Variants in PTPRJ observed in about 807,000 individuals in gnomAD.
PTPRJ encodes the protein protein tyrosine phosphatase receptor type J, also known as receptor-type tyrosine-protein phosphatase eta.
PTPRJ carries 129 observed loss-of-function variants against 141.3 expected under a neutral mutation model. The observed-to-expected ratio is 0.91, with a 90% CI of 0.79 to 1.06. PTPRJ has a LOEUF of 1.06. Ranked by LOEUF, PTPRJ falls within the 50% of genes least tolerant of loss-of-function variation. PTPRJ has a pLI of 0.00. For missense variants in PTPRJ, 1,601 were observed against 1,679.7 expected (o/e 0.95, Z 0.82); for synonymous variants, 610 against 640.5 (o/e 0.95, Z 0.72).
At chr11:48,049,276 C>T (rs770147935) in intron 1 of PTPRJ, among the ~76,000 whole-genome samples, 1 of 152,204 alleles carries the variant, frequency 6.6e-6, no homozygotes, top group African/African-American at 2.4e-5. Flanking sequence ...TGCCAGATGT[C>T]CCCTGGGGGA....
chr11:48,111,853 A>G (rs933633888), intron 2 of PTPRJ, among the ~76,000 whole-genome samples: 6 of 152,100 alleles, frequency 3.9e-5, no homozygotes, highest in Non-Finnish European at 8.8e-5. Context: ...GCGGAGCACA[A>G]GTCAGCTCAT....
intron 4 of PTPRJ, among the ~76,000 whole-genome samples, chr11:48,122,758 C>A (rs1340063822): frequency 6.6e-6 from 1 of 152,218 alleles, no homozygotes; most frequent in Non-Finnish European, 1.5e-5. Flanking sequence ...GAGACATGTG[C>A]TGTGAAGAAT....
chr11:48,153,444 G>C (rs1052310282), intron 18 of PTPRJ, among the ~76,000 whole-genome samples: 1 of 130,010 alleles, frequency 7.7e-6, no homozygotes, highest in Non-Finnish European at 1.5e-5. Flanking sequence ...TGAGGCAGGA[G>C]ACCGCGCCAC....
chr11:48,100,985 C>G (rs1021839728), intron 1 of PTPRJ, among the ~76,000 whole-genome samples: 1 of 152,144 alleles, frequency 6.6e-6, no homozygotes, highest in South Asian at 2.1e-4. Context: ...CAGCTCCCTC[C>G]TGTCATTGCT....
At chr11:47,997,031 G>C (rs755736724) in intron 1 of PTPRJ, among the ~76,000 whole-genome samples, 1 of 152,236 alleles carries the variant, frequency 6.6e-6, no homozygotes, top group Admixed American at 6.5e-5. Flanking sequence ...TGTGGTTGGG[G>C]TGAGTGAGGA....
chr11:48,107,253 G>GA (rs1005676924), intron 1 of PTPRJ, among the ~76,000 whole-genome samples: 168 of 142,998 alleles, frequency 1.2e-3, no homozygotes, highest in African/African-American at 3.5e-3. Context: ...TGCTGGCAAG[G>GA]AAAAAAAAAA....
chr11:48,005,167 A>G (rs1470010362), intron 1 of PTPRJ, among the ~76,000 whole-genome samples: 1 of 152,046 alleles, frequency 6.6e-6, no homozygotes, highest in African/African-American at 2.4e-5. Context: ...GGTTGCAGTG[A>G]GCAGAGATCA....
At position 48,130,444 on chromosome 11, in the gene PTPRJ, A is replaced by G; in HGVS notation, c.1358-15A>G. On this transcript the variant is annotated splice_polypyrimidine_tract_variant and intron_variant, in intron 7 of 24. Coordinates refer to ENST00000418331, the MANE Select transcript of PTPRJ (RefSeq NM_002843.4). ...AAGTATATTTTTAATCTAGTTGTTT[A>G]CTTTCTTTGCATAGCCCCTGTTCCA... 6.3e-7 allele frequency: 1 copy of G among 1,596,928 alleles called. No homozygotes were observed. Among genetic ancestry groups the G allele is most frequent in the Non-Finnish European group, 8.6e-7 (1 of 1,169,578 alleles).
chr11:48,032,960 G>A (rs1854022121), intron 1 of PTPRJ, among the ~76,000 whole-genome samples: 1 of 151,608 alleles, frequency 6.6e-6, no homozygotes, highest in Non-Finnish European at 1.5e-5. Flanking sequence ...GCTCACGCCT[G>A]TAATCTTAGC....
chr11:48,105,029 C>A (rs1368482405), intron 1 of PTPRJ, among the ~76,000 whole-genome samples: 1 of 152,130 alleles, frequency 6.6e-6, no homozygotes, highest in Non-Finnish European at 1.5e-5. Flanking sequence ...ATGATAAATA[C>A]AACATCTGAC....
chr11:48,129,612 G>A lies in PTPRJ; in HGVS notation c.1358-847G>A, dbSNP rs183400076. 3.1e-3 allele frequency among the ~76,000 whole-genome samples: 472 copies of A among 152,184 alleles called. 1 individual carries two copies. The highest frequency in any genetic ancestry group is 7.7e-3 in the African/African-American group (320 of 41,518). On this transcript the variant is annotated intron_variant, in intron 7 of 24. Coordinates refer to ENST00000418331, the MANE Select transcript of PTPRJ (RefSeq NM_002843.4). ...AGTTGAGGAGCAGGCTTTAGGCCTCGCCCCAAGAAATGACTCCTGGACTAA... is the reference window on the plus strand; with the variant it reads ...AGTTGAGGAGCAGGCTTTAGGCCTCACCCCAAGAAATGACTCCTGGACTAA...
At chr11:48,040,413 A>G (rs527727493) in intron 1 of PTPRJ, among the ~76,000 whole-genome samples, 1 of 152,120 alleles carries the variant, frequency 6.6e-6, no homozygotes, top group Non-Finnish European at 1.5e-5. Context: ...TGTTTTGCTC[A>G]TCTTTGCTTT....
chr11:48,119,662 C>A (rs1856657144), intron 3 of PTPRJ, among the ~76,000 whole-genome samples: 1 of 152,196 alleles, frequency 6.6e-6, no homozygotes, highest in Non-Finnish European at 1.5e-5. Flanking sequence ...CCTCAGCCTC[C>A]CAAAGTGCTG....
intron 1 of PTPRJ, among the ~76,000 whole-genome samples, chr11:47,981,648 C>A (rs1021921338): frequency 6.6e-6 from 1 of 152,212 alleles, no homozygotes; most frequent in Non-Finnish European, 1.5e-5. Context: ...TTAATTCGTG[C>A]TTTGTGGGCG....
chr11:48,061,765 C>A (rs2134260941), intron 1 of PTPRJ, among the ~76,000 whole-genome samples: 1 of 151,968 alleles, frequency 6.6e-6, no homozygotes, highest in South Asian at 2.1e-4. Flanking sequence ...GGGAAAAATA[C>A]CCCCCCTACT....
intron 3 of PTPRJ, among the ~76,000 whole-genome samples, chr11:48,120,335 A>T (rs77115081): frequency 0.021 from 3,146 of 152,206 alleles, 110 homozygotes; most frequent in African/African-American, 0.071. Flanking sequence ...TTCCTTCTAG[A>T]TGTCAGGGTT....
chr11:48,081,393 C>T (rs1326138799), intron 1 of PTPRJ, among the ~76,000 whole-genome samples: 1 of 152,142 alleles, frequency 6.6e-6, no homozygotes, highest in Non-Finnish European at 1.5e-5. Flanking sequence ...TTTTTTAAAA[C>T]CTTGGTGGAA....
At chr11:48,153,492 CAAAAAAAA>C (rs59516853) in intron 18 of PTPRJ, among the ~76,000 whole-genome samples, 12 of 68,438 alleles carry the variant, frequency 1.8e-4, no homozygotes, top group African/African-American at 2.6e-4. Context: ...GACTCTGTCT[CAAAAAAAA>C]AAAAAAAAAA....
chr11:48,085,696 A>G (rs1855685214), intron 1 of PTPRJ, among the ~76,000 whole-genome samples: 1 of 152,188 alleles, frequency 6.6e-6, no homozygotes, highest in Admixed American at 6.5e-5. Flanking sequence ...GGGGTCCTCA[A>G]TAATTTTAAG....
Sources: allele counts gnomAD v4.1 joint callset (sites outside exome capture counted in the v4.1 genomes callset), GRCh38; gene constraint gnomAD v4.1.1; transcripts MANE v1.5; gene names NCBI Gene and HGNC (gene_info 2026-07-23, HGNC 2026-07-21).